NRXN1: variants seen among roughly 807,000 people sequenced by gnomAD.
NRXN1 encodes neurexin-1.
In NRXN1, 39 loss-of-function variants were observed where a neutral mutation model predicts 150.9. The ratio of observed to expected loss-of-function variants is 0.26; its 90% CI spans 0.20 to 0.34. The LOEUF (loss-of-function observed/expected upper bound fraction) is 0.34, where lower values mean the gene tolerates loss of function less well. Among genes scored for constraint, NRXN1 ranks in the 10% least tolerant of loss-of-function variants. The pLI is 1.00. For synonymous variants in NRXN1, 924 were observed against 757.0 expected, an observed-to-expected ratio of 1.22 and a Z score of -3.62; for missense variants, 1,815 against 1,949.9, an observed-to-expected ratio of 0.93 and a Z score of 1.30.
At chr2:50,706,730 T>C (rs1255414289) in intron 5 of NRXN1, among the ~76,000 whole-genome samples, 2 of 152,126 alleles carry the variant, frequency 1.3e-5, no homozygotes, top group Non-Finnish European at 2.9e-5. Flanking sequence ...ATGGGAATCT[T>C]ATCAATGACC....
At chr2:50,739,242 A>T (rs372318154) in intron 5 of NRXN1, 2 of 508,062 alleles carry the variant, frequency 3.9e-6, no homozygotes, top group South Asian at 2.9e-5. Context: ...TTCATTGAGG[A>T]TATTTTATTA....
chr2:50,518,902 G>A (rs978793226), intron 12 of NRXN1, among the ~76,000 whole-genome samples: 1 of 73,604 alleles, frequency 1.4e-5, no homozygotes, highest in Non-Finnish European at 2.7e-5. Flanking sequence ...AAAGTAAGAA[G>A]CATATTAGAG....
chr2:50,808,345 C>G (rs930461814), intron 5 of NRXN1, among the ~76,000 whole-genome samples: 18 of 151,910 alleles, frequency 1.2e-4, no homozygotes, highest in Non-Finnish European at 2.2e-4. Context: ...TTTTAGTTTT[C>G]TCAAAAGGCT....
intron 2 of NRXN1, among the ~76,000 whole-genome samples, chr2:50,955,134 G>C (rs1346567033): frequency 6.6e-6 from 1 of 152,190 alleles, no homozygotes; most frequent in South Asian, 2.1e-4. Flanking sequence ...GTCTGGTTAG[G>C]GAAGTAACAT....
rs540021858 is a variant in NRXN1, at chr2:50,139,755, T to C, written c.3547-48261A>G. Among the ~76,000 whole-genome samples the C allele has an allele frequency of 3.3e-5, 5 of 152,304 alleles. No homozygotes were observed. In the East Asian group the frequency reaches 7.7e-4, roughly 24 times the overall value. ...TTTTCTTCTTACTCGACTAGTCACA[T>C]AGACTATTCTATCTATACTAAGGAA... On this transcript the variant is annotated intron_variant, in intron 18 of 22. Coordinates refer to ENST00000401669, the MANE Select transcript of NRXN1 (RefSeq NM_001330078.2).
chr2:50,560,944 A>G (rs1668983127), intron 8 of NRXN1, among the ~76,000 whole-genome samples: 1 of 152,202 alleles, frequency 6.6e-6, no homozygotes, highest in Non-Finnish European at 1.5e-5. Context: ...TTTATCCACA[A>G]AGGCATATGA....
intron 17 of NRXN1, among the ~76,000 whole-genome samples, chr2:50,277,581 G>A (rs1334016916): frequency 6.8e-6 from 1 of 147,990 alleles, no homozygotes; most frequent in Non-Finnish European, 1.5e-5. Context: ...TTAGCCAGGA[G>A]ATTTTAAGGA....
rs902676425 is a variant in NRXN1 at position 50,984,399 on chromosome 2, C to T, written c.772+43103G>A. 2.6e-5 allele frequency among the ~76,000 whole-genome samples: 4 copies of T among 151,852 alleles called. No individual in the cohort carries two copies. The South Asian group carries it at 8.3e-4, about 32-fold the overall frequency. ...AAGAATATATAACGAAGAGTGTATG[C>T]GGCCAGCAAAGCCTAAAATATTTAT... On this transcript the variant is annotated intron_variant, in intron 2 of 22. Transcript: ENST00000401669.
intron 5 of NRXN1, among the ~76,000 whole-genome samples, chr2:50,858,092 A>ATT (rs113571564): frequency 0.2 from 29,985 of 149,186 alleles, 3,219 homozygotes; most frequent in Middle Eastern, 0.24. Context: ...ACCCAAATAG[A>ATT]TTTTTTTTTT....
intron 5 of NRXN1, among the ~76,000 whole-genome samples, chr2:50,907,951 C>T (rs1469013081): frequency 2.0e-5 from 3 of 152,076 alleles, no homozygotes; most frequent in Non-Finnish European, 2.9e-5. Flanking sequence ...TCACTCTAGC[C>T]AACACTCATC....
chr2:50,841,266 G>A (rs926297087), intron 5 of NRXN1: 4 of 152,566 alleles, frequency 2.6e-5, no homozygotes, highest in African/African-American at 9.7e-5. Flanking sequence ...ATCAGTATAT[G>A]TTAAGGACAT....
intron 5 of NRXN1, among the ~76,000 whole-genome samples, chr2:50,676,745 G>C (rs779647415): frequency 1.3e-5 from 2 of 152,118 alleles, no homozygotes; most frequent in Non-Finnish European, 2.9e-5. Flanking sequence ...GAAAGGAAAG[G>C]TCAATTGGTC....
At chr2:50,961,956 C>T (rs1253642670) in intron 2 of NRXN1, among the ~76,000 whole-genome samples, 1 of 128,262 alleles carries the variant, frequency 7.8e-6, no homozygotes, top group Non-Finnish European at 1.6e-5. Context: ...TGGACTAGGC[C>T]TGCTAGTTAA....
intron 17 of NRXN1, among the ~76,000 whole-genome samples, chr2:50,382,548 C>T (rs2081047164): frequency 6.6e-6 from 1 of 152,144 alleles, no homozygotes; most frequent in South Asian, 2.1e-4. Flanking sequence ...GGCATCATCA[C>T]TTATTTTTCT....
In NRXN1 at chr2:49,919,376, T is replaced by C. The variant is rs1265844227; in HGVS notation, c.*2568A>G. On this transcript the variant is annotated 3_prime_UTR_variant, in exon 23 of 23. Transcript: ENST00000401669. ...ATAATTTTGCTGATAATAAACTATA[T>C]CAATCATTGCATGTAACTTTAAAAT... 1 of 152,098 alleles carries C rather than the reference T, an allele frequency of 6.6e-6. No individual in the cohort carries two copies. The highest frequency in any genetic ancestry group is 1.5e-5 in the Non-Finnish European group (1 of 67,956). The allele number at this position is 152,098 out of a possible 1,614,324, so 9.4% of individuals were successfully genotyped here. A position where few individuals can be genotyped will look rare whatever the true frequency, so the allele number is the denominator to read the frequency against.
intron 18 of NRXN1, among the ~76,000 whole-genome samples, chr2:50,214,007 G>C (rs2063213671): frequency 6.6e-6 from 1 of 151,876 alleles, no homozygotes; most frequent in African/African-American, 2.4e-5. Context: ...TTACTAAATT[G>C]TAACAGTTTA....
chr2:50,422,931 T>C (rs1406356013), intron 17 of NRXN1, among the ~76,000 whole-genome samples: 3 of 152,168 alleles, frequency 2.0e-5, no homozygotes, highest in Admixed American at 2.0e-4. Context: ...ACTGATGTCA[T>C]ACTGATTTTC....
chr2:50,026,859 C>CTTTCTTTTTTTTTTTTTT (rs1688381537), intron 21 of NRXN1, among the ~76,000 whole-genome samples: 1 of 65,234 alleles, frequency 1.5e-5, no homozygotes, highest in Non-Finnish European at 2.7e-5. Flanking sequence ...CTTTTCTTTT[C>CTTTCTTTTTTTTTTTTTT]TTTTTTTTTT....
intron 5 of NRXN1, among the ~76,000 whole-genome samples, chr2:50,747,113 A>C (rs1700114775): frequency 6.6e-6 from 1 of 152,132 alleles, no homozygotes; most frequent in South Asian, 2.1e-4. Context: ...AAGAAGATAG[A>C]GACCGGCATT....
Sources: gnomAD v4.1 joint callset for allele counts (sites outside exome capture counted in the v4.1 genomes callset) on GRCh38, gnomAD v4.1.1 for gene constraint, MANE v1.5 for transcripts, NCBI Gene and HGNC (gene_info 2026-07-23, HGNC 2026-07-21) for gene names.